DENND1A: variants seen among roughly 807,000 people sequenced by gnomAD.
DENND1A encodes DENN domain-containing protein 1A.
In DENND1A, 51 loss-of-function variants were observed where a neutral mutation model predicts 113.7. The ratio of observed to expected loss-of-function variants is 0.45; its 90% CI spans 0.36 to 0.57. The LOEUF is 0.57. Ranked by LOEUF, DENND1A falls within the 20% of genes least tolerant of loss-of-function variation. The probability of loss-of-function intolerance (pLI) is 0.00; values close to 1 mark genes in which losing one functional copy is unlikely to be tolerated. For synonymous variants in DENND1A, 565 were observed against 570.8 expected (o/e 0.99, Z 0.14); for missense variants, 1,258 against 1,395.9 (o/e 0.90, Z 1.57).
chr9:123,901,904 G>A (rs1184696946), intron 1 of DENND1A, among the ~76,000 whole-genome samples: 1 of 152,096 alleles, frequency 6.6e-6, no homozygotes, highest in Non-Finnish European at 1.5e-5. Flanking sequence ...TACTCGAGAG[G>A]CTGAGGCAGG....
At chr9:123,845,670 C>CAAAAAAAAAAAAAAAAAAAA (rs555731367) in intron 2 of DENND1A, among the ~76,000 whole-genome samples, 11 of 44,094 alleles carry the variant, frequency 2.5e-4, no homozygotes, top group African/African-American at 7.7e-4. Context: ...AACCTGTCTC[C>CAAAAAAAAAAAAAAAAAAAA]AAAAAAAAAA....
chr9:123,832,566 T>C (rs1296006672), intron 2 of DENND1A, among the ~76,000 whole-genome samples: 2 of 152,190 alleles, frequency 1.3e-5, no homozygotes, highest in African/African-American at 2.4e-5. Flanking sequence ...TTTACTATAA[T>C]GTCATAGCTC....
intron 18 of DENND1A, among the ~76,000 whole-genome samples, chr9:123,444,187 T>C (rs1305462175): frequency 6.6e-6 from 1 of 152,228 alleles, no homozygotes; most frequent in Non-Finnish European, 1.5e-5. Context: ...AAGATGTATA[T>C]GCCCTTTGGC....
chr9:123,595,760 CAT>C (rs1409358264), intron 11 of DENND1A, among the ~76,000 whole-genome samples: 2 of 152,146 alleles, frequency 1.3e-5, no homozygotes, highest in Admixed American at 6.5e-5. Context: ...ACTGGGAACA[CAT>C]GTTTCATACA....
At chr9:123,482,094 G>A (rs542614464) in intron 13 of DENND1A, among the ~76,000 whole-genome samples, 21 of 150,024 alleles carry the variant, frequency 1.4e-4, no homozygotes, top group African/African-American at 4.9e-4. Context: ...ATGAGTGGCA[G>A]TGCTCGGCCT....
At chr9:123,514,065 GGTGTGTGTGT>G (rs775882728) in intron 13 of DENND1A, among the ~76,000 whole-genome samples, 2 of 109,300 alleles carry the variant, frequency 1.8e-5, no homozygotes, top group Non-Finnish European at 4.3e-5. Context: ...TCTATTTTGA[GGTGTGTGTGT>G]GTGTGTGTGT....
chr9:123,615,082 T>C (rs1441542526), intron 10 of DENND1A, among the ~76,000 whole-genome samples: 1 of 152,180 alleles, frequency 6.6e-6, no homozygotes, highest in Non-Finnish European at 1.5e-5. Flanking sequence ...TTGGGCTTAG[T>C]GAGAGCGATG....
At chr9:123,580,389 T>G (rs1463283433) in intron 12 of DENND1A, among the ~76,000 whole-genome samples, 5 of 152,394 alleles carry the variant, frequency 3.3e-5, no homozygotes, top group African/African-American at 1.2e-4. Context: ...GTCTCTATTA[T>G]GCTATACTGT....
chr9:123,900,221 T>G (rs1381929449), intron 1 of DENND1A, among the ~76,000 whole-genome samples: 3 of 152,218 alleles, frequency 2.0e-5, no homozygotes, highest in Admixed American at 1.3e-4. Flanking sequence ...AATAGACTAC[T>G]GATTATATTC....
At chr9:123,556,061 C>T (rs779554384) in intron 13 of DENND1A, among the ~76,000 whole-genome samples, 3 of 152,176 alleles carry the variant, frequency 2.0e-5, no homozygotes, top group Non-Finnish European at 4.4e-5. Flanking sequence ...GACCCAAGAT[C>T]GTGACAAGTA....
intron 19 of DENND1A, among the ~76,000 whole-genome samples, chr9:123,420,486 G>A (rs1425293183): frequency 6.6e-6 from 1 of 152,140 alleles, no homozygotes; most frequent in Non-Finnish European, 1.5e-5. Context: ...CCTGCCGCGG[G>A]GTCTCACAGA....
In DENND1A at chr9:123,879,096, A is replaced by G. The variant is rs1564434318; in HGVS notation, c.18-75T>C. 28 of 1,431,370 alleles carry G rather than the reference A, an allele frequency of 2.0e-5. No homozygotes were observed. The East Asian group carries it at 6.2e-4, about 32-fold the overall frequency. The allele number at this position is 1,431,370 out of a possible 1,614,324, so 88.7% of individuals were successfully genotyped here. ...TATAGAACATGTGGGCTATGGTATT[A>G]AACAGATCTTCCTTGAAATCATTAG... On this transcript the variant is annotated intron_variant, in intron 1 of 23. Transcript: ENST00000394215.
chr9:123,769,191 A>G (rs1377223914), intron 4 of DENND1A, among the ~76,000 whole-genome samples: 3 of 152,204 alleles, frequency 2.0e-5, no homozygotes, highest in Non-Finnish European at 4.4e-5. Context: ...AGCCAAATAT[A>G]TTCATATTTA....
intron 13 of DENND1A, among the ~76,000 whole-genome samples, chr9:123,484,615 C>G (rs1300236498): frequency 2.0e-5 from 3 of 152,198 alleles, no homozygotes; most frequent in Non-Finnish European, 4.4e-5. Context: ...GCCCCTTGCT[C>G]CGCACCCCAT....
intron 3 of DENND1A, among the ~76,000 whole-genome samples, chr9:123,772,063 T>C (rs1829814608): frequency 1.3e-5 from 2 of 152,116 alleles, no homozygotes; most frequent in Non-Finnish European, 2.9e-5. Context: ...ATTATCGCAA[T>C]TGGAACTGAG....
intron 10 of DENND1A, among the ~76,000 whole-genome samples, chr9:123,618,252 C>T (rs2060757223): frequency 6.6e-6 from 1 of 152,196 alleles, no homozygotes; most frequent in Non-Finnish European, 1.5e-5. Context: ...TGGTCTGTGG[C>T]CTCTGCCTTA....
At chr9:123,573,510 C>T (rs1382248095) in intron 12 of DENND1A, among the ~76,000 whole-genome samples, 1 of 151,840 alleles carries the variant, frequency 6.6e-6, no homozygotes, top group Non-Finnish European at 1.5e-5. Flanking sequence ...TACAAATTTT[C>T]AACATATTTT....
intron 1 of DENND1A, among the ~76,000 whole-genome samples, chr9:123,888,926 T>C (rs1301796799): frequency 6.7e-6 from 1 of 148,970 alleles, no homozygotes; most frequent in Admixed American, 6.7e-5. Flanking sequence ...TCAAGGGTGA[T>C]GATGCATCAG....
chr9:123,758,728 A>C (rs2131431909), intron 4 of DENND1A, among the ~76,000 whole-genome samples: 1 of 152,362 alleles, frequency 6.6e-6, no homozygotes, highest in South Asian at 2.1e-4. Context: ...TAAAAACCAC[A>C]CATAAACGCA....
Sources: allele counts gnomAD v4.1 joint callset (sites outside exome capture counted in the v4.1 genomes callset), GRCh38; gene constraint gnomAD v4.1.1; transcripts MANE v1.5; gene names NCBI Gene and HGNC (gene_info 2026-07-23, HGNC 2026-07-21).